MSR1: variants seen among roughly 807,000 people sequenced by gnomAD.
MSR1 encodes macrophage scavenger receptor 1.
MSR1 carries 53 observed loss-of-function variants against 47.2 expected under a neutral mutation model. The observed-to-expected ratio is 1.12, with a 90% CI of 0.90 to 1.41. The LOEUF is 1.41. MSR1 is among the 40% of genes most tolerant of loss of function. MSR1 has a pLI of 0.00. For synonymous variants in MSR1, 239 were observed against 185.6 expected (o/e 1.29, Z -2.34); for missense variants, 786 against 546.9 (o/e 1.44, Z -4.36).
At chr8:16,180,444 A>C (rs747408114) in intron 1 of MSR1, among the ~76,000 whole-genome samples, 1 of 152,164 alleles carries the variant, frequency 6.6e-6, no homozygotes. Flanking sequence ...GAGGTGATGC[A>C]ATTGGTCTGA....
chr8:16,191,336 T>C (rs902221212), intron 1 of MSR1, among the ~76,000 whole-genome samples: 1 of 152,160 alleles, frequency 6.6e-6, no homozygotes, highest in African/African-American at 2.4e-5. Context: ...GACTGTGACA[T>C]CATTTAGCTG....
chr8:16,150,093 A>G (rs1469035434), intron 7 of MSR1, 138 bp downstream of exon 7: 4 of 204,380 alleles, frequency 2.0e-5, no homozygotes, highest in Admixed American at 6.1e-5. Context: ...ATTTAAAAAT[A>G]TGTATACTAC....
intron 2 of MSR1, among the ~76,000 whole-genome samples, chr8:16,177,106 G>A (rs1249244541): frequency 6.6e-6 from 1 of 152,100 alleles, no homozygotes; most frequent in African/African-American, 2.4e-5. Context: ...CTTTTTAGCT[G>A]TTGTCGTAAC....
chr8:16,143,625 G>C lies in MSR1; in HGVS notation c.980-14C>G. On this transcript the variant is annotated splice_polypyrimidine_tract_variant and intron_variant, in intron 7 of 9. Transcript: ENST00000262101. ...GTCCAGAATTTCCTTGAGAAAAGAA[G>C]AAAAATATTTGTTTTTAATCAGGGC... 1 of 1,609,232 alleles carries C rather than the reference G, an allele frequency of 6.2e-7. No individual in the cohort carries two copies. Among genetic ancestry groups the C allele is most frequent in the Non-Finnish European group, 8.5e-7 (1 of 1,176,870 alleles).
chr8:16,124,729 C>T (rs1308443495), intron 8 of MSR1, among the ~76,000 whole-genome samples: 1 of 152,046 alleles, frequency 6.6e-6, no homozygotes, highest in African/African-American at 2.4e-5. Context: ...CCCCAGTAGA[C>T]TGAAAGAAAC....
chr8:16,176,764 C>G (rs888994457), intron 2 of MSR1, among the ~76,000 whole-genome samples: 1 of 152,164 alleles, frequency 6.6e-6, no homozygotes. Context: ...TTCAAACTCT[C>G]ATCATTTCTG....
intron 3 of MSR1, among the ~76,000 whole-genome samples, chr8:16,173,055 G>T (rs1005780030): frequency 6.6e-6 from 1 of 152,280 alleles, no homozygotes; most frequent in East Asian, 1.9e-4. Context: ...TAAACATAGT[G>T]AGGCCTTTTC....
intron 3 of MSR1, 67 bp from the exon 4 acceptor site, chr8:16,168,937 A>G (rs979139816): frequency 2.1e-6 from 3 of 1,424,132 alleles, no homozygotes; most frequent in African/African-American, 1.4e-5. Context: ...ATCCCATCCC[A>G]TATCATTCCA....
chr8:16,189,394 T>A (rs1802106274), intron 1 of MSR1, among the ~76,000 whole-genome samples: 2 of 100,202 alleles, frequency 2.0e-5, no homozygotes, highest in Admixed American at 1.4e-4. Context: ...AAATCTTATT[T>A]TATATATATT....
rs920451881 is a variant in MSR1 at position 16,144,715 on chromosome 8, T to A, written c.980-1104A>T. Among the ~76,000 whole-genome samples the A allele has an allele frequency of 6.6e-5, 10 of 152,250 alleles. 1 individual carries two copies. The highest frequency in any genetic ancestry group is 1.2e-4 in the Non-Finnish European group (8 of 67,980). On this transcript the variant is annotated intron_variant, in intron 7 of 9. Coordinates refer to ENST00000262101, the MANE Select transcript of MSR1 (RefSeq NM_138715.3). ...TTTCATTGTAGAGTTGCCTGTTCAT[T>A]AAGCACTTTGCCCATAAAAGATACA...
intron 1 of MSR1, among the ~76,000 whole-genome samples, chr8:16,180,397 G>A (rs952490729): frequency 6.6e-6 from 1 of 152,126 alleles, no homozygotes; most frequent in Non-Finnish European, 1.5e-5. Flanking sequence ...TATTTGGGGT[G>A]GGGGCTCAAG....
chr8:16,114,676 C>G (rs1314360964), intron 9 of MSR1, among the ~76,000 whole-genome samples: 1 of 152,024 alleles, frequency 6.6e-6, no homozygotes, highest in Non-Finnish European at 1.5e-5. Context: ...AAGGTGCATC[C>G]AAATGAGAGA....
At chr8:16,179,735 G>T (rs771200859) in intron 1 of MSR1, among the ~76,000 whole-genome samples, 19 of 140,970 alleles carry the variant, frequency 1.3e-4, no homozygotes, top group Non-Finnish European at 2.5e-4. Context: ...AAAACAATTA[G>T]CCAGGTATGG....
intron 9 of MSR1, among the ~76,000 whole-genome samples, chr8:16,111,262 G>A (rs1186759457): frequency 6.6e-6 from 1 of 152,094 alleles, no homozygotes; most frequent in Non-Finnish European, 1.5e-5. Flanking sequence ...GTTAATACAG[G>A]AGGAAGCCGA....
intron 3 of MSR1, among the ~76,000 whole-genome samples, chr8:16,172,682 T>C (rs1465681691): frequency 1.3e-5 from 2 of 152,094 alleles, no homozygotes; most frequent in Admixed American, 6.5e-5. Flanking sequence ...AATTTATATA[T>C]ATATACATAA....
At chr8:16,159,668 A>G (rs1419601273) in intron 5 of MSR1, among the ~76,000 whole-genome samples, 1 of 151,952 alleles carries the variant, frequency 6.6e-6, no homozygotes, top group Non-Finnish European at 1.5e-5. Context: ...AACAGTTTCT[A>G]ATGGAAGTAG....
At chr8:16,120,062 C>T (rs1219130759) in intron 9 of MSR1, among the ~76,000 whole-genome samples, 1 of 151,820 alleles carries the variant, frequency 6.6e-6, no homozygotes, top group Admixed American at 6.6e-5. Context: ...TTAGAGAATG[C>T]CTACATTTCA....
chr8:16,160,886 G>A (rs1336615372), intron 5 of MSR1, among the ~76,000 whole-genome samples: 2 of 151,902 alleles, frequency 1.3e-5, no homozygotes, highest in Non-Finnish European at 2.9e-5. Flanking sequence ...GAAGTAGACA[G>A]GTGACAGACC....
chr8:16,140,188 C>A (rs1800516265), intron 8 of MSR1: 8 of 984,980 alleles, frequency 8.1e-6, no homozygotes, highest in South Asian at 4.7e-5. Context: ...CATGACAGTT[C>A]TCCTAGAACC....
Sources: gnomAD v4.1 joint callset for allele counts (sites outside exome capture counted in the v4.1 genomes callset) on GRCh38, gnomAD v4.1.1 for gene constraint, MANE v1.5 for transcripts, NCBI Gene and HGNC (gene_info 2026-07-23, HGNC 2026-07-21) for gene names.